Variants in GPN3 observed in about 807,000 individuals in gnomAD.
GPN3 encodes the protein GPN-loop GTPase 3, also known as ATP-binding domain 1 family member C.
Under a neutral mutation model 38.7 loss-of-function variants are expected in GPN3, and 31 were observed. The observed-to-expected ratio is 0.80, with a 90% CI of 0.60 to 1.08. The LOEUF is 1.08. GPN3 is among the 50% of genes least tolerant of loss of function. GPN3 has a pLI of 0.00. For synonymous variants in GPN3, 116 were observed against 120.2 expected (o/e 0.96, Z 0.23); for missense variants, 301 against 354.4 (o/e 0.85, Z 1.21).
intron 2 of GPN3, chr12:110,460,995 C>CT (rs1396033737): frequency 6.6e-7 from 1 of 1,516,020 alleles, no homozygotes; most frequent in Non-Finnish European, 9.1e-7. Context: ...AGAATGGCTC[C>CT]TGCAAAGAAG....
chr12:110,459,719 C>T lies in GPN3; in HGVS notation c.301G>A (p.Asp101Asn), dbSNP rs1030955274. ...CCTGGACAATCAAAAAGGATATAGT[C>T]GTCCTCTACATGGCCAAGACAGTTC... ...LENCLGHVED[D>N]YILFDCPGQI... Residue 101 changes from aspartate to asparagine, a missense_variant, in exon 3 of 8, where the codon GAC becomes AAC. Transcript: ENST00000228827. The T allele has an allele frequency of 4.3e-6, 7 of 1,612,210 alleles. No homozygotes were observed. The highest frequency in any genetic ancestry group is 2.7e-5 in the African/African-American group (2 of 74,894).
intron 1 of GPN3, among the ~76,000 whole-genome samples, chr12:110,467,275 C>A (rs2062638469): frequency 6.6e-6 from 1 of 152,154 alleles, no homozygotes; most frequent in Non-Finnish European, 1.5e-5. Context: ...CAGACGTGAG[C>A]CACCACGCCT....
Position 110,468,254 on chromosome 12 carries a change from C to T in GPN3, c.-51G>A, listed in dbSNP as rs754654094. ...ACTCCCTTAGCCTTCGCGCGACGCCCACTGAGCTCCGGGAAAGTGAAGTGC... is the reference window on the plus strand; with the variant it reads ...ACTCCCTTAGCCTTCGCGCGACGCCTACTGAGCTCCGGGAAAGTGAAGTGC... On this transcript the variant is annotated 5_prime_UTR_variant, in exon 1 of 8. Coordinates refer to ENST00000228827, the MANE Select transcript of GPN3 (RefSeq NM_016301.4). The T allele has an allele frequency of 1.1e-5, 17 of 1,604,166 alleles. No individual in the cohort carries two copies. The highest frequency in any genetic ancestry group is 1.4e-5 in the Non-Finnish European group (16 of 1,179,506).
In GPN3 at chr12:110,458,693, TC is replaced by T. The variant is rs2062566536; in HGVS notation, c.325+1001del. On this transcript the variant is annotated intron_variant, in intron 3 of 7. Coordinates refer to ENST00000228827, the MANE Select transcript of GPN3 (RefSeq NM_016301.4). The surrounding 1 kb of genome is among the most constrained non-coding windows in gnomAD (Gnocchi z 4.4). The stretch of plus-strand genomic sequence containing the variant: ...TACTTGGGAGACTGAGACAGGAGAA[TC>T]ACTTGAACCCAGGAAGTGGAGACTG... 6.6e-6 allele frequency among the ~76,000 whole-genome samples: 1 copy of T among 150,926 alleles called. No individual in the cohort carries two copies. The highest frequency in any genetic ancestry group is 1.5e-5 in the Non-Finnish European group (1 of 67,902).
intron 4 of GPN3, 63 bp from the exon 5 acceptor site, chr12:110,455,993 T>C: frequency 1.2e-6 from 1 of 859,450 alleles, no homozygotes; most frequent in Non-Finnish European, 2.0e-6. Context: ...CTGGTCTGCA[T>C]AAAGAGTCTT....
At chr12:110,456,016 G>T in intron 4 of GPN3, 86 bp from the exon 5 acceptor site, 1 of 744,586 alleles carries the variant, frequency 1.3e-6, no homozygotes. Flanking sequence ...ATTCCTCACT[G>T]GAACAGAACT....
chr12:110,460,099 T>C (rs2062576682), intron 2 of GPN3, among the ~76,000 whole-genome samples: 1 of 152,144 alleles, frequency 6.6e-6, no homozygotes, highest in African/African-American at 2.4e-5. Context: ...TCTTTAAGTA[T>C]TAATAATAAT....
intron 6 of GPN3, among the ~76,000 whole-genome samples, chr12:110,454,808 G>A (rs545808336): frequency 9.9e-5 from 15 of 151,486 alleles, no homozygotes; most frequent in East Asian, 3.9e-4. Context: ...GACTACAGGC[G>A]TGCAGCACCA....
chr12:110,464,957 C>G (rs571765382), intron 2 of GPN3, 149 bp downstream of exon 2: 80 of 650,910 alleles, frequency 1.2e-4, no homozygotes, highest in Middle Eastern at 8.3e-4. Flanking sequence ...TCACCATGAA[C>G]AGATGTGACC....
Position 110,461,110 on chromosome 12 carries a change from T to C in GPN3, c.158-1248A>G, listed in dbSNP as rs1228501664. The C allele has an allele frequency of 5.8e-6, 8 of 1,373,686 alleles. No homozygotes were observed. The Admixed American group carries it at 1.2e-4, about 20-fold the overall frequency. The allele number at this position is 1,373,686 out of a possible 1,614,324, so 85.1% of individuals were successfully genotyped here. On this transcript the variant is annotated intron_variant, in intron 2 of 7. Coordinates refer to ENST00000228827, the MANE Select transcript of GPN3 (RefSeq NM_016301.4). ...TCTATGGAGTGGGCTTCAAGAAGCGTGCCCCTCAGGCACTCAAAGAGATTC... is the reference window on the plus strand; with the variant it reads ...TCTATGGAGTGGGCTTCAAGAAGCGCGCCCCTCAGGCACTCAAAGAGATTC...
chr12:110,456,006 A>G (rs2062547244), intron 4 of GPN3, 76 bp from the exon 5 acceptor site: 2 of 790,004 alleles, frequency 2.5e-6, no homozygotes, highest in Non-Finnish European at 4.4e-6. Context: ...AGAGTCTTCT[A>G]TTCCTCACTG....
chr12:110,464,844 C>G (rs1370767842), intron 2 of GPN3: 1 of 401,686 alleles, frequency 2.5e-6, no homozygotes, highest in Admixed American at 3.6e-5. Flanking sequence ...CCACCCGCCT[C>G]GGCCTCCCAA....
At position 110,453,103 on chromosome 12, in the gene GPN3, C is replaced by A. The variant is rs1361335146; in HGVS notation, c.793-7G>T. On this transcript the variant is annotated splice_region_variant and splice_polypyrimidine_tract_variant and intron_variant, in intron 7 of 7. Coordinates refer to ENST00000228827, the MANE Select transcript of GPN3 (RefSeq NM_016301.4). The stretch of plus-strand genomic sequence containing the variant: ...AAGACTCATCTTCACGTTCCTGACA[C>A]AATGGAAACACAAAATAGAAAATAT... The A allele has an allele frequency of 7.6e-7, 1 of 1,317,430 alleles. No homozygotes were observed. The highest frequency in any genetic ancestry group is 1.1e-6 in the Non-Finnish European group (1 of 914,104). 81.6% of individuals were successfully genotyped at this position (1,317,430 alleles called of 1,614,324 possible).
Position 110,453,086 on chromosome 12 carries a change from T to C in GPN3, c.803A>G (p.Asp268Gly). The change falls in exon 8 of 8, where the codon GAT (aspartate) becomes GGT (glycine). Residue 268 changes from aspartate to glycine, a missense_variant. Coordinates refer to ENST00000228827, the MANE Select transcript of GPN3 (RefSeq NM_016301.4). ...LEFKEPKERE[D>G]ESSSMFDEYF... is the part of the protein sequence containing the mutation. ...TTCGTCAAACATAGAGGAAGACTCA[T>C]CTTCACGTTCCTGACACAATGGAAA... 7.0e-7 allele frequency: 1 copy of C among 1,423,492 alleles called. No individual in the cohort carries two copies. Among genetic ancestry groups the C allele is most frequent in the Non-Finnish European group, 9.9e-7 (1 of 1,008,652 alleles). The allele number at this position is 1,423,492 out of a possible 1,614,324, so 88.2% of individuals were successfully genotyped here.
At chr12:110,465,961 C>CAA (rs931393737) in intron 1 of GPN3, among the ~76,000 whole-genome samples, 20 of 152,056 alleles carry the variant, frequency 1.3e-4, no homozygotes, top group African/African-American at 4.6e-4. Flanking sequence ...CCTGTAATCT[C>CAA]AGATACTCAG....
At chr12:110,456,791 G>A (rs1250283612) in intron 4 of GPN3, among the ~76,000 whole-genome samples, 1 of 150,400 alleles carries the variant, frequency 6.6e-6, no homozygotes, top group Non-Finnish European at 1.5e-5. Context: ...TCTGCTTCCT[G>A]TACTCAAGCG....
chr12:110,462,465 C>T (rs971671670), intron 2 of GPN3, among the ~76,000 whole-genome samples: 2 of 152,220 alleles, frequency 1.3e-5, no homozygotes, highest in Admixed American at 6.5e-5. Flanking sequence ...CAATCCCCCA[C>T]AAAATGCTGT....
At position 110,455,600 on chromosome 12, in the gene GPN3, C is replaced by G; in HGVS notation, c.649G>C (p.Ala217Pro). 7.0e-7 allele frequency: 1 copy of G among 1,420,910 alleles called. No homozygotes were observed. The highest frequency in any genetic ancestry group is 9.9e-7 in the Non-Finnish European group (1 of 1,006,128). 88.0% of individuals were successfully genotyped at this position (1,420,910 alleles called of 1,614,324 possible). The change falls in exon 6 of 8, where the codon GCT becomes CCT. Residue 217 changes from alanine (A) to proline (P), a missense_variant. Transcript: ENST00000228827. The part of the protein sequence containing the change: ...RSKKFKKLTK[A>P]ICGLIDDYSM... ...TAAAAGCTTACCAGTCCACATATAGCTTTAGTCAGTTTCTTGAATTTTTTG... is the reference window on the plus strand; with the variant it reads ...TAAAAGCTTACCAGTCCACATATAGGTTTAGTCAGTTTCTTGAATTTTTTG...
rs2062565100 is a variant in GPN3 at position 110,458,446 on chromosome 12, A to G, written c.326-812T>C. On this transcript the variant is annotated intron_variant, in intron 3 of 7. Coordinates refer to ENST00000228827, the MANE Select transcript of GPN3 (RefSeq NM_016301.4). This position sits in a 1 kb window ranked among gnomAD's most constrained non-coding sequence, Gnocchi z 4.4. ...AATTAAAAGCAAGGGGAAAAAAGTG[A>G]GGGCCATAAATGGTCAAAGCCAGGT... Among the ~76,000 whole-genome samples the G allele has an allele frequency of 1.3e-5, 2 of 152,228 alleles. No individual in the cohort carries two copies. The highest frequency in any genetic ancestry group is 4.8e-5 in the African/African-American group (2 of 41,468).
Sources: allele counts gnomAD v4.1 joint callset (sites outside exome capture counted in the v4.1 genomes callset), GRCh38; gene constraint gnomAD v4.1.1; non-coding constraint Gnocchi (gnomAD v3.1); transcripts MANE v1.5; gene names NCBI Gene and HGNC (gene_info 2026-07-23, HGNC 2026-07-21).